The following TAB2 variants were observed in gnomAD, a reference collection of about 807,000 sequenced individuals.
The protein encoded by TAB2 is TGF-beta-activated kinase 1 and MAP3K7-binding protein 2.
A neutral mutation model predicts 65.0 loss-of-function variants in TAB2; 3 were observed. The ratio of observed to expected loss-of-function variants is 0.05; its 90% CI spans 0.02 to 0.12. The LOEUF (loss-of-function observed/expected upper bound fraction) is 0.12, where lower values mean the gene tolerates loss of function less well. Ranked by LOEUF, TAB2 falls within the 10% of genes least tolerant of loss-of-function variation. The probability of loss-of-function intolerance (pLI) is 1.00; values close to 1 mark genes in which losing one functional copy is unlikely to be tolerated. For synonymous variants in TAB2, 298 were observed against 285.1 expected, an observed-to-expected ratio of 1.05 and a Z score of -0.46; for missense variants, 623 against 840.3, an observed-to-expected ratio of 0.74 and a Z score of 3.20.
chr6:149,228,713 C>G (rs563384010), intron 1 of TAB2, among the ~76,000 whole-genome samples: 21 of 152,330 alleles, frequency 1.4e-4, no homozygotes, highest in Non-Finnish European at 3.1e-4. Context: ...ATTAAAAGAG[C>G]CTTTGTCAAA....
At chr6:149,320,914 A>G (rs1372505413) in intron 1 of TAB2, 2 of 152,190 alleles carry the variant, frequency 1.3e-5, no homozygotes, top group African/African-American at 2.4e-5. Context: ...CACTTATGTC[A>G]TCTTTATTTG....
chr6:149,275,848 G>A (rs879659439), intron 1 of TAB2, among the ~76,000 whole-genome samples: 6 of 152,140 alleles, frequency 3.9e-5, no homozygotes, highest in South Asian at 2.1e-4. Context: ...ACAGTGGGAC[G>A]TTTCCAAAAT....
chr6:149,406,815 T>C (rs1168593903), intron 6 of TAB2, among the ~76,000 whole-genome samples: 1 of 152,058 alleles, frequency 6.6e-6, no homozygotes, highest in Non-Finnish European at 1.5e-5. Flanking sequence ...GCCTCCCAGG[T>C]TCAAGCCATT....
intron 1 of TAB2, among the ~76,000 whole-genome samples, chr6:149,366,368 A>G (rs915287573): frequency 1.3e-5 from 2 of 152,130 alleles, no homozygotes; most frequent in Admixed American, 6.5e-5. Context: ...GAGATCAAAG[A>G]TAAATACAGA....
chr6:149,281,691 G>T (rs886109128), intron 1 of TAB2, among the ~76,000 whole-genome samples: 1 of 151,552 alleles, frequency 6.6e-6, no homozygotes, highest in Non-Finnish European at 1.5e-5. Flanking sequence ...TAACCTTATC[G>T]GTAATCATAT....
intron 1 of TAB2, among the ~76,000 whole-genome samples, chr6:149,285,020 T>C (rs1778645113): frequency 6.6e-6 from 1 of 152,126 alleles, no homozygotes. Context: ...CACTGTCACA[T>C]AGAAATGAAA....
intron 1 of TAB2, among the ~76,000 whole-genome samples, chr6:149,318,338 A>C (rs1287296947): frequency 6.6e-6 from 1 of 151,684 alleles, no homozygotes; most frequent in South Asian, 2.1e-4. Context: ...GGGAGGGCGC[A>C]AGGGGCTCGG....
chr6:149,318,338 A>T (rs1287296947), intron 1 of TAB2, among the ~76,000 whole-genome samples: 2 of 151,684 alleles, frequency 1.3e-5, no homozygotes, highest in African/African-American at 4.8e-5. Flanking sequence ...GGGAGGGCGC[A>T]AGGGGCTCGG....
At chr6:149,296,483 TCTTA>T (rs953827944) in intron 1 of TAB2, among the ~76,000 whole-genome samples, 17 of 152,234 alleles carry the variant, frequency 1.1e-4, no homozygotes, top group Non-Finnish European at 2.2e-4. Flanking sequence ...CCTAAAAATG[TCTTA>T]CTGTCTTGTC....
At chr6:149,405,722 G>A (rs1210402867) in intron 6 of TAB2, among the ~76,000 whole-genome samples, 9 of 152,118 alleles carry the variant, frequency 5.9e-5, no homozygotes, top group African/African-American at 1.9e-4. Context: ...AGAGCAGAAC[G>A]GTGGTTACCA....
upstream of TAB2, among the ~76,000 whole-genome samples, chr6:149,316,571 G>A (rs1440717508): frequency 6.6e-6 from 1 of 152,106 alleles, no homozygotes; most frequent in African/African-American, 2.4e-5. Flanking sequence ...CCATGGAAGC[G>A]CTAGAATTTT....
intron 1 of TAB2, among the ~76,000 whole-genome samples, chr6:149,224,689 A>G (rs1489205431): frequency 1.3e-5 from 2 of 152,234 alleles, no homozygotes; most frequent in African/African-American, 2.4e-5. Context: ...GTCTCAAAGA[A>G]CAAAAGAGCA....
At chr6:149,347,642 A>T (rs914279195) in intron 1 of TAB2, among the ~76,000 whole-genome samples, 2 of 152,164 alleles carry the variant, frequency 1.3e-5, no homozygotes, top group East Asian at 3.8e-4. Context: ...TTTTTATCTT[A>T]AATGGAGTTT....
intron 1 of TAB2, among the ~76,000 whole-genome samples, chr6:149,257,219 G>A (rs1778055964): frequency 6.6e-6 from 1 of 152,150 alleles, no homozygotes; most frequent in South Asian, 2.1e-4. Flanking sequence ...AAAGTAAAAA[G>A]TTCAATAAAT....
intron 1 of TAB2, among the ~76,000 whole-genome samples, chr6:149,251,278 GC>G (rs904284156): frequency 6.6e-6 from 1 of 152,052 alleles, no homozygotes; most frequent in Non-Finnish European, 1.5e-5. Context: ...TTGGTTTGGT[GC>G]CAGCCTCCAC....
chr6:149,390,717 C>T (rs1298775433), intron 3 of TAB2, among the ~76,000 whole-genome samples: 1 of 152,116 alleles, frequency 6.6e-6, no homozygotes, highest in Admixed American at 6.5e-5. Flanking sequence ...TTATTTTTAA[C>T]AACAACTAAG....
At chr6:149,254,002 G>GAAAGAAAGAAAGAAAGAAAGAAAGA in intron 1 of TAB2, among the ~76,000 whole-genome samples, 2 of 140,490 alleles carry the variant, frequency 1.4e-5, no homozygotes, top group African/African-American at 5.3e-5. Context: ...AAGAAAGAAA[G>GAAAGAAAGAAAGAAAGAAAGAAAGA]AAAGAAAGAA....
intron 1 of TAB2, among the ~76,000 whole-genome samples, chr6:149,275,249 A>AAAGG (rs1778442809): frequency 7.9e-6 from 1 of 126,342 alleles, no homozygotes; most frequent in Non-Finnish European, 1.6e-5. Flanking sequence ...AGAAAGAAAG[A>AAAGG]AAGAAAGAAA....
chr6:149,334,143 G>C (rs1210609371), intron 1 of TAB2, among the ~76,000 whole-genome samples: 1 of 151,968 alleles, frequency 6.6e-6, no homozygotes, highest in Non-Finnish European at 1.5e-5. Flanking sequence ...TCTTCACTTG[G>C]CTTTCTTGAT....
Sources: gnomAD v4.1 joint callset for allele counts (sites outside exome capture counted in the v4.1 genomes callset) on GRCh38, gnomAD v4.1.1 for gene constraint, MANE v1.5 for transcripts, NCBI Gene and HGNC (gene_info 2026-07-23, HGNC 2026-07-21) for gene names.